EEF1AKMT2: variants seen among roughly 807,000 people sequenced by gnomAD.
The protein encoded by EEF1AKMT2 is eukaryotic translation elongation factor 1 alpha lysine methyltransferase 2.
A neutral mutation model predicts 35.8 loss-of-function variants in EEF1AKMT2; 32 were observed. The ratio of observed to expected loss-of-function variants is 0.89; its 90% CI spans 0.67 to 1.20. The LOEUF (loss-of-function observed/expected upper bound fraction) is 1.20, where lower values mean the gene tolerates loss of function less well. Among genes scored for constraint, EEF1AKMT2 ranks in the 50% most tolerant of loss-of-function variants. EEF1AKMT2 has a pLI of 0.00. For synonymous variants in EEF1AKMT2, 121 were observed against 133.7 expected (o/e 0.91, Z 0.65); for missense variants, 330 against 347.5 (o/e 0.95, Z 0.40).
intron 3 of EEF1AKMT2, among the ~76,000 whole-genome samples, chr10:124,787,786 G>A (rs1950599924): frequency 6.6e-6 from 1 of 151,918 alleles, no homozygotes; most frequent in Non-Finnish European, 1.5e-5. Context: ...AGTTCAAGGG[G>A]AATTTCTAGA....
Position 124,779,793 on chromosome 10 carries a change from T to C in EEF1AKMT2, c.292-5011A>G, listed in dbSNP as rs901985287. On this transcript the variant is annotated intron_variant, in intron 3 of 6. Transcript: ENST00000368836. ...AAAGAAACAGAATAGTCAGGCGTGGTGGCTCACGCCTGTAATCCCAGCACT... is the reference window on the plus strand; with the variant it reads ...AAAGAAACAGAATAGTCAGGCGTGGCGGCTCACGCCTGTAATCCCAGCACT... Among the ~76,000 whole-genome samples the C allele has an allele frequency of 3.7e-5, 5 of 134,700 alleles. No individual in the cohort carries two copies. The South Asian group carries it at 1.0e-3, about 27-fold the overall frequency. The allele number at this position is 134,700 out of a possible 152,430, so 88.4% of individuals were successfully genotyped here.
intron 3 of EEF1AKMT2, among the ~76,000 whole-genome samples, chr10:124,788,651 C>T (rs1339285324): frequency 1.4e-5 from 2 of 143,316 alleles, no homozygotes; most frequent in African/African-American, 2.5e-5. Context: ...CTTTTCAAAC[C>T]ATATGCTTAC....
At chr10:124,778,686 G>C (rs907637653) in intron 3 of EEF1AKMT2, among the ~76,000 whole-genome samples, 1 of 148,474 alleles carries the variant, frequency 6.7e-6, no homozygotes, top group African/African-American at 2.5e-5. Flanking sequence ...ATGGCACATG[G>C]CACTCCAGCC....
Position 124,759,893 on chromosome 10 carries a change from G to A in EEF1AKMT2, c.*610C>T, listed in dbSNP as rs919753602. The A allele has an allele frequency of 1.3e-5, 2 of 152,510 alleles. No individual in the cohort carries two copies. Among genetic ancestry groups the A allele is most frequent in the African/African-American group, 4.8e-5 (2 of 41,432 alleles). 9.4% of individuals were successfully genotyped at this position (152,510 alleles called of 1,614,324 possible). A position where few individuals can be genotyped will look rare whatever the true frequency, so the allele number is the denominator to read the frequency against. On this transcript the variant is annotated 3_prime_UTR_variant, in exon 7 of 7. Coordinates refer to ENST00000368836, the MANE Select transcript of EEF1AKMT2 (RefSeq NM_212554.4). ...GATTTTGTTTAATTATATACATAAA[G>A]GTAAGAGGCCTTTTCACAGGTATTA...
chr10:124,791,117 C>A (rs1013913800), intron 1 of EEF1AKMT2, among the ~76,000 whole-genome samples: 1 of 152,094 alleles, frequency 6.6e-6, no homozygotes, highest in South Asian at 2.1e-4. Context: ...TCTCTAGAAT[C>A]CCTGCTCCCT....
At chr10:124,789,647 C>T (rs550000747) in intron 2 of EEF1AKMT2, among the ~76,000 whole-genome samples, 12 of 151,754 alleles carry the variant, frequency 7.9e-5, no homozygotes, top group African/African-American at 2.9e-4. Context: ...CCCAGCTACC[C>T]AGGAGGCTGT....
chr10:124,768,470 C>T (rs891145059), intron 4 of EEF1AKMT2, among the ~76,000 whole-genome samples: 1 of 152,080 alleles, frequency 6.6e-6, no homozygotes, highest in Non-Finnish European at 1.5e-5. Context: ...TTAGGCCGGG[C>T]GCAGTGACTC....
chr10:124,771,301 A>C (rs142906886), intron 4 of EEF1AKMT2, among the ~76,000 whole-genome samples: 10 of 151,526 alleles, frequency 6.6e-5, no homozygotes, highest in Non-Finnish European at 1.5e-4. Flanking sequence ...GGGTTTCACC[A>C]TGTTAGCCAG....
intron 5 of EEF1AKMT2, among the ~76,000 whole-genome samples, chr10:124,763,156 T>G (rs1373923153): frequency 6.6e-6 from 1 of 152,212 alleles, no homozygotes; most frequent in Non-Finnish European, 1.5e-5. Flanking sequence ...AAGACTCCCT[T>G]AAATTGCTTC....
chr10:124,777,176 A>G (rs1950494312), intron 3 of EEF1AKMT2, among the ~76,000 whole-genome samples: 1 of 150,390 alleles, frequency 6.6e-6, no homozygotes, highest in African/African-American at 2.4e-5. Context: ...CTACTCAGGA[A>G]GATGAGGCAG....
chr10:124,760,539 T>C (rs754660340), intron 6 of EEF1AKMT2, 36 bp from the exon 7 acceptor site: 2 of 1,530,600 alleles, frequency 1.3e-6, no homozygotes, highest in Non-Finnish European at 1.8e-6. Flanking sequence ...TATTAAGAAT[T>C]GAGTCTCATA....
chr10:124,762,472 C>G lies in EEF1AKMT2; in HGVS notation c.703G>C (p.Gly235Arg). ...TGATGATGTGTGCCTGTAGTTCCAC[C>G]TACTCGGGAGGCTGAAGTGGAAAAG... ...AIFSTSASRV[G>R]GTTGTHHHAW... Residue 235 changes from glycine to arginine, a missense_variant, in exon 6 of 7, where the codon GGT becomes CGT. Coordinates refer to ENST00000368836, the MANE Select transcript of EEF1AKMT2 (RefSeq NM_212554.4). The G allele has an allele frequency of 7.7e-7, 1 of 1,296,418 alleles. No homozygotes were observed. The highest frequency in any genetic ancestry group is 1.0e-6 in the Non-Finnish European group (1 of 983,282). 80.3% of individuals were successfully genotyped at this position (1,296,418 alleles called of 1,614,324 possible).
intron 3 of EEF1AKMT2, among the ~76,000 whole-genome samples, chr10:124,781,990 T>A (rs1950543951): frequency 6.6e-6 from 1 of 152,104 alleles, no homozygotes; most frequent in African/African-American, 2.4e-5. Flanking sequence ...AAATACTGAT[T>A]CCAAGGAGAT....
At chr10:124,784,768 T>C (rs550695360) in intron 3 of EEF1AKMT2, among the ~76,000 whole-genome samples, 70 of 151,840 alleles carry the variant, frequency 4.6e-4, no homozygotes, top group Non-Finnish European at 8.8e-4. Context: ...CTGTCTCTAC[T>C]AAAAATACAA....
At chr10:124,782,460 T>C (rs1950549260) in intron 3 of EEF1AKMT2, among the ~76,000 whole-genome samples, 1 of 151,184 alleles carries the variant, frequency 6.6e-6, no homozygotes, top group Admixed American at 6.6e-5. Flanking sequence ...CGGGCGCCTG[T>C]AGTCCCAGCT....
Position 124,791,853 on chromosome 10 carries a change from G to T in EEF1AKMT2, c.-20C>A, listed in dbSNP as rs546800067. On this transcript the variant is annotated 5_prime_UTR_variant, in exon 1 of 7. Coordinates refer to ENST00000368836, the MANE Select transcript of EEF1AKMT2 (RefSeq NM_212554.4). ...GCTCATTTCGCTCCACGTCCTGGACGGCCGTTGGGGCCGCCATAGAGACGG... is the reference window on the plus strand; with the variant it reads ...GCTCATTTCGCTCCACGTCCTGGACTGCCGTTGGGGCCGCCATAGAGACGG... The T allele has an allele frequency of 1.4e-5, 22 of 1,544,972 alleles. No homozygotes were observed. Among genetic ancestry groups the T allele is most frequent in the African/African-American group, 9.6e-5 (7 of 72,998 alleles).
At chr10:124,781,174 G>A (rs972626288) in intron 3 of EEF1AKMT2, among the ~76,000 whole-genome samples, 11 of 151,876 alleles carry the variant, frequency 7.2e-5, no homozygotes, top group African/African-American at 1.2e-4. Flanking sequence ...TCGATCTCCC[G>A]ACCTCGTGAT....
Position 124,765,433 on chromosome 10 carries a change from C to A in EEF1AKMT2, c.575G>T (p.Cys192Phe). 6.2e-7 allele frequency: 1 copy of A among 1,613,972 alleles called. No homozygotes were observed. Among genetic ancestry groups the A allele is most frequent in the Non-Finnish European group, 8.5e-7 (1 of 1,179,966 alleles). Reference sequence around the variant, plus strand: ...TAGCAACTCTTCCTTGGTCCAATTACATGACGTTATTAGAAAAAAGCCTTT... The same window carrying A: ...TAGCAACTCTTCCTTGGTCCAATTAAATGACGTTATTAGAAAAAAGCCTTT... ...KVKGFFLITS[C>F]NWTKEELLNE... The change falls in exon 5 of 7, where the codon TGT (cysteine) becomes TTT (phenylalanine). Residue 192 changes from cysteine (C) to phenylalanine (F), a missense_variant. By Grantham distance (205) the Cys-to-Phe change is radical. Coordinates refer to ENST00000368836, the MANE Select transcript of EEF1AKMT2 (RefSeq NM_212554.4).
chr10:124,774,584 C>T, intron 4 of EEF1AKMT2, 91 bp downstream of exon 4: 3 of 632,932 alleles, frequency 4.7e-6, no homozygotes, highest in Non-Finnish European at 6.8e-6. Context: ...TGATTGATCC[C>T]TAATTTATGA....
Sources: allele counts gnomAD v4.1 joint callset (sites outside exome capture counted in the v4.1 genomes callset), GRCh38; gene constraint gnomAD v4.1.1; transcripts MANE v1.5; gene names NCBI Gene and HGNC (gene_info 2026-07-23, HGNC 2026-07-21).